Variants in KCNIP4 observed in about 807,000 individuals in gnomAD.
KCNIP4 encodes the protein Kv channel-interacting protein 4.
A neutral mutation model predicts 34.0 loss-of-function variants in KCNIP4; 12 were observed. The observed-to-expected ratio is 0.35, with a 90% CI of 0.23 to 0.57. The LOEUF (loss-of-function observed/expected upper bound fraction) is 0.57, where lower values mean the gene tolerates loss of function less well. KCNIP4 is among the 20% of genes least tolerant of loss of function. The probability of loss-of-function intolerance (pLI) is 0.83; values close to 1 mark genes in which losing one functional copy is unlikely to be tolerated. For synonymous variants in KCNIP4, 124 were observed against 102.2 expected (o/e 1.21, Z -1.29); for missense variants, 238 against 311.7 (o/e 0.76, Z 1.78).
intron 1 of KCNIP4, among the ~76,000 whole-genome samples, chr4:21,230,401 A>G (rs188912848): frequency 4.3e-4 from 65 of 152,342 alleles, no homozygotes; most frequent in African/African-American, 1.5e-3. Flanking sequence ...TTTGTTACAT[A>G]GGTAAACGTG....
intron 1 of KCNIP4, among the ~76,000 whole-genome samples, chr4:21,492,121 A>G (rs926864315): frequency 7.9e-5 from 12 of 152,206 alleles, no homozygotes; most frequent in Non-Finnish European, 2.9e-5. Context: ...CCATATTAAC[A>G]AAAAGGACTG....
At chr4:21,831,140 C>T (rs1722963347) in intron 1 of KCNIP4, among the ~76,000 whole-genome samples, 1 of 152,078 alleles carries the variant, frequency 6.6e-6, no homozygotes, top group Non-Finnish European at 1.5e-5. Flanking sequence ...ACAAAAACTT[C>T]TGGGATGCTG....
chr4:21,565,783 G>T (rs1487051440), intron 1 of KCNIP4, among the ~76,000 whole-genome samples: 1 of 152,044 alleles, frequency 6.6e-6, no homozygotes, highest in South Asian at 2.1e-4. Context: ...AAAACTCATA[G>T]AAAAATGAGG....
intron 5 of KCNIP4, among the ~76,000 whole-genome samples, chr4:20,749,172 AT>A (rs1361803344): frequency 4.1e-5 from 6 of 147,072 alleles, no homozygotes; most frequent in African/African-American, 7.5e-5. Context: ...AAAAAAAAAA[AT>A]ACGTTCTCTA....
At chr4:21,947,845 T>C (rs1359990287) in intron 1 of KCNIP4, among the ~76,000 whole-genome samples, 1 of 152,154 alleles carries the variant, frequency 6.6e-6, no homozygotes, top group Non-Finnish European at 1.5e-5. Context: ...CCCAAGACGC[T>C]TTGTGGAAGG....
chr4:21,286,798 T>G (rs539343530), intron 1 of KCNIP4, among the ~76,000 whole-genome samples: 1 of 152,124 alleles, frequency 6.6e-6, no homozygotes, highest in Non-Finnish European at 1.5e-5. Flanking sequence ...AAAGACAAAT[T>G]ATAGCATGTA....
chr4:20,737,504 C>G (rs73110233), intron 5 of KCNIP4, among the ~76,000 whole-genome samples: 1 of 151,930 alleles, frequency 6.6e-6, no homozygotes, highest in African/African-American at 2.4e-5. Context: ...GTAGATGGGC[C>G]GATCTGAGAA....
At chr4:21,810,559 G>A (rs546904816) in intron 1 of KCNIP4, among the ~76,000 whole-genome samples, 21 of 152,042 alleles carry the variant, frequency 1.4e-4, no homozygotes, top group African/African-American at 4.6e-4. Context: ...GCATAGGGGC[G>A]GGCACCTGTA....
At chr4:21,783,513 A>G (rs1449711927) in intron 1 of KCNIP4, among the ~76,000 whole-genome samples, 1 of 152,206 alleles carries the variant, frequency 6.6e-6, no homozygotes, top group African/African-American at 2.4e-5. Flanking sequence ...ATCACATTGA[A>G]AAATTATTAT....
intron 8 of KCNIP4, chr4:20,731,602 G>A (rs991606545): frequency 4.1e-6 from 4 of 985,140 alleles, no homozygotes; most frequent in Non-Finnish European, 4.8e-6. Context: ...ATAGAAGCTT[G>A]GCCTGTTGTG....
intron 3 of KCNIP4, among the ~76,000 whole-genome samples, chr4:20,807,521 C>T (rs1031668640): frequency 6.6e-6 from 1 of 152,048 alleles, no homozygotes; most frequent in Non-Finnish European, 1.5e-5. Flanking sequence ...GCCTCAGAGA[C>T]ATGTGTACTT....
chr4:20,730,196 C>T, intron 8 of KCNIP4, 67 bp from the exon 9 acceptor site: 1 of 1,517,364 alleles, frequency 6.6e-7, no homozygotes, highest in Non-Finnish European at 8.8e-7. Flanking sequence ...CTATTTTGCC[C>T]CTGAGTATTG....
chr4:21,090,744 G>A (rs553755292), intron 1 of KCNIP4, among the ~76,000 whole-genome samples: 4 of 152,100 alleles, frequency 2.6e-5, no homozygotes, highest in Admixed American at 2.6e-4. Context: ...CATTTGTTAT[G>A]TCTCATTTTG....
At chr4:21,304,534 G>C (rs1047140545) in intron 1 of KCNIP4, 1 of 152,240 alleles carries the variant, frequency 6.6e-6, no homozygotes, top group African/African-American at 2.4e-5. Flanking sequence ...ACCGCACCTT[G>C]AAATACGGAG....
At chr4:21,636,342 C>CA (rs1746164598) in intron 1 of KCNIP4, among the ~76,000 whole-genome samples, 1 of 150,982 alleles carries the variant, frequency 6.6e-6, no homozygotes, top group Non-Finnish European at 1.5e-5. Context: ...TTTGGACTTG[C>CA]ATTCAAAGTC....
intron 1 of KCNIP4, among the ~76,000 whole-genome samples, chr4:21,108,518 T>C (rs1577705670): frequency 6.6e-6 from 1 of 151,728 alleles, no homozygotes. Flanking sequence ...TTTCAAAGTT[T>C]TTAACTTCTT....
chr4:21,067,820 A>G (rs1274188239), intron 1 of KCNIP4, among the ~76,000 whole-genome samples: 1 of 152,052 alleles, frequency 6.6e-6, no homozygotes, highest in Non-Finnish European at 1.5e-5. Flanking sequence ...ATTTAGGGGA[A>G]TATTGTCTGA....
At chr4:21,763,243 C>T (rs1028121481) in intron 1 of KCNIP4, among the ~76,000 whole-genome samples, 7 of 152,174 alleles carry the variant, frequency 4.6e-5, no homozygotes, top group Non-Finnish European at 1.0e-4. Context: ...CACGGCTGTG[C>T]ATTCCTCTAA....
intron 3 of KCNIP4, among the ~76,000 whole-genome samples, chr4:20,805,346 C>T (rs1444323427): frequency 6.6e-6 from 1 of 151,882 alleles, no homozygotes; most frequent in Non-Finnish European, 1.5e-5. Context: ...GCCTTCTCCT[C>T]TTAAAGTTGC....
Sources: gnomAD v4.1 joint callset for allele counts (sites outside exome capture counted in the v4.1 genomes callset) on GRCh38, gnomAD v4.1.1 for gene constraint, MANE v1.5 for transcripts, NCBI Gene and HGNC (gene_info 2026-07-23, HGNC 2026-07-21) for gene names.